UBAP1: variants seen among roughly 807,000 people sequenced by gnomAD.
UBAP1 encodes ubiquitin-associated protein 1.
Under a neutral mutation model 39.0 loss-of-function variants are expected in UBAP1, and 5 were observed. The observed-to-expected ratio is 0.13, with a 90% CI of 0.07 to 0.27. The LOEUF (loss-of-function observed/expected upper bound fraction) is 0.27. Among genes scored for constraint, UBAP1 ranks in the 10% least tolerant of loss-of-function variants. The probability of loss-of-function intolerance (pLI) is 1.00; values close to 1 mark genes in which losing one functional copy is unlikely to be tolerated. For synonymous variants in UBAP1, 211 were observed against 225.1 expected, an observed-to-expected ratio of 0.94 and a Z score of 0.56; for missense variants, 490 against 608.1, an observed-to-expected ratio of 0.81 and a Z score of 2.04.
intron 2 of UBAP1, 87 bp downstream of exon 2, chr9:34,221,035 C>T (rs1325296703): frequency 1.0e-5 from 12 of 1,200,816 alleles, no homozygotes; most frequent in Admixed American, 1.9e-5. Context: ...TACAAGTGCC[C>T]CTTTTTGTCT....
intron 1 of UBAP1, among the ~76,000 whole-genome samples, chr9:34,185,349 A>G (rs971775493): frequency 2.0e-5 from 3 of 152,118 alleles, no homozygotes; most frequent in Non-Finnish European, 2.9e-5. Context: ...GAAGTTCAAG[A>G]CCAGCCTGGA....
At chr9:34,238,362 GT>G (rs1391461866) in intron 3 of UBAP1, among the ~76,000 whole-genome samples, 2 of 152,264 alleles carry the variant, frequency 1.3e-5, no homozygotes, top group East Asian at 3.9e-4. Flanking sequence ...CATGTTTTCA[GT>G]TTTCTTGGGT....
chr9:34,213,894 C>T (rs539844748), intron 1 of UBAP1, among the ~76,000 whole-genome samples: 30 of 147,930 alleles, frequency 2.0e-4, no homozygotes, highest in Admixed American at 1.7e-3. Context: ...AGCAGAGAAT[C>T]AAATAAAAAA....
Position 34,181,969 on chromosome 9 carries a change from AT to A in UBAP1, c.-8+2740del, listed in dbSNP as rs1232897149. Among the ~76,000 whole-genome samples the A allele has an allele frequency of 2.8e-4, 40 of 143,450 alleles. 2 individuals are homozygous for A. The highest frequency in any genetic ancestry group is 3.6e-4 in the African/African-American group (14 of 38,542). 94.1% of individuals were successfully genotyped at this position (143,450 alleles called of 152,430 possible). On this transcript the variant is annotated intron_variant, in intron 1 of 6. Transcript: ENST00000297661. ...ATTGTTAGTGCATTTTTTAATTAAA[AT>A]TTTTTTTTTTGTAGAGAAGGGGTCT...
intron 1 of UBAP1, among the ~76,000 whole-genome samples, chr9:34,206,435 G>A (rs894639388): frequency 6.6e-6 from 1 of 152,046 alleles, no homozygotes; most frequent in Admixed American, 6.6e-5. Context: ...ACTTGAGCTC[G>A]GGAGGTTGAG....
rs1437190594 is a variant in UBAP1 at position 34,250,551 on chromosome 9, G to C, written c.1267-107G>C. ...ATCAAATCCTATCCAGTATCTGACG[G>C]CCTGGGTGGGGCGGAGAACGGACTT... On this transcript the variant is annotated intron_variant, in intron 5 of 6. Coordinates refer to ENST00000297661, the MANE Select transcript of UBAP1 (RefSeq NM_016525.5). The C allele has an allele frequency of 3.8e-6, 3 of 785,890 alleles. No individual in the cohort carries two copies. In the Admixed American group the frequency reaches 7.5e-5, roughly 20 times the overall value. 48.7% of individuals were successfully genotyped at this position (785,890 alleles called of 1,614,324 possible).
At chr9:34,226,121 G>GTGTGTGTGTGTGTGTGTGTGTT (rs1833058475) in intron 2 of UBAP1, among the ~76,000 whole-genome samples, 74 of 98,340 alleles carry the variant, frequency 7.5e-4, no homozygotes, top group Non-Finnish European at 1.2e-3. Context: ...GTGTGTGTGT[G>GTGTGTGTGTGTGTGTGTGTGTT]TGTGTGTGTG....
At chr9:34,224,144 G>A (rs1236757294) in intron 2 of UBAP1, 3 of 721,912 alleles carry the variant, frequency 4.2e-6, no homozygotes, top group East Asian at 3.0e-5. Flanking sequence ...GCTGATTTTG[G>A]CCTTTTTTTT....
chr9:34,215,910 T>C (rs918618202), intron 1 of UBAP1, among the ~76,000 whole-genome samples: 1 of 152,012 alleles, frequency 6.6e-6, no homozygotes, highest in Non-Finnish European at 1.5e-5. Context: ...TGCCCAAATA[T>C]AGATTTCTCA....
At chr9:34,198,540 G>C (rs561151942) in intron 1 of UBAP1, among the ~76,000 whole-genome samples, 10 of 152,338 alleles carry the variant, frequency 6.6e-5, no homozygotes, top group African/African-American at 2.4e-4. Flanking sequence ...TGTTGACTGT[G>C]CTTGTTGGAT....
In UBAP1 at chr9:34,195,759, G is replaced by A. The variant is rs1830999118; in HGVS notation, c.-8+16519G>A. 3.3e-5 allele frequency among the ~76,000 whole-genome samples: 5 copies of A among 151,314 alleles called. No homozygotes were observed. In the South Asian group the frequency reaches 8.3e-4, roughly 25 times the overall value. ...ATTACAGACATGTGCCACTATGCCCGGCTAATTTTGTATTTTTAGTAGAGA... is the reference window on the plus strand; with the variant it reads ...ATTACAGACATGTGCCACTATGCCCAGCTAATTTTGTATTTTTAGTAGAGA... On this transcript the variant is annotated intron_variant, in intron 1 of 6. Coordinates refer to ENST00000297661, the MANE Select transcript of UBAP1 (RefSeq NM_016525.5).
At chr9:34,212,412 C>CACACACAT (rs1832066662) in intron 1 of UBAP1, among the ~76,000 whole-genome samples, 1 of 144,362 alleles carries the variant, frequency 6.9e-6, no homozygotes, top group Non-Finnish European at 1.6e-5. Flanking sequence ...CACACACACA[C>CACACACAT]ACACACACAC....
At position 34,241,389 on chromosome 9, in the gene UBAP1, G is replaced by A. The variant is rs766853050; in HGVS notation, c.364G>A (p.Ala122Thr). 3 of 1,563,484 alleles carry A rather than the reference G, an allele frequency of 1.9e-6. No individual in the cohort carries two copies. The highest frequency in any genetic ancestry group is 1.7e-4 in the Middle Eastern group (1 of 5,778). The change falls in exon 4 of 7, where the codon GCC becomes ACC. Residue 122 changes from alanine (A) to threonine (T), a missense_variant. Coordinates refer to ENST00000297661, the MANE Select transcript of UBAP1 (RefSeq NM_016525.5). ...GCCACCTCCTATTAACCCCATCCTC[G>A]CCAGCTTGCAGCACAACAGCATCCT... ...TMPPPINPIL[A>T]SLQHNSILTP...
chr9:34,201,951 C>T (rs773188360), intron 1 of UBAP1, among the ~76,000 whole-genome samples: 28 of 152,114 alleles, frequency 1.8e-4, no homozygotes, highest in Admixed American at 1.6e-3. Context: ...CTGGTTTATT[C>T]TAAAGGCGAT....
intron 1 of UBAP1, among the ~76,000 whole-genome samples, chr9:34,208,971 G>C (rs988442099): frequency 6.6e-6 from 1 of 151,918 alleles, no homozygotes; most frequent in East Asian, 1.9e-4. Context: ...GTCTCACTCT[G>C]TTGCTCAGGC....
At chr9:34,192,459 G>A (rs1241720876) in intron 1 of UBAP1, among the ~76,000 whole-genome samples, 2 of 146,972 alleles carry the variant, frequency 1.4e-5, no homozygotes, top group African/African-American at 5.1e-5. Flanking sequence ...AGGTTGCAGT[G>A]AGCCGAGGTC....
chr9:34,224,190 A>G lies in UBAP1; in HGVS notation c.34+3242A>G. The G allele has an allele frequency of 2.4e-5, 13 of 546,642 alleles. No homozygotes were observed. In the South Asian group the frequency reaches 3.1e-4, roughly 13 times the overall value. 33.9% of individuals were successfully genotyped at this position (546,642 alleles called of 1,614,324 possible). Reference sequence around the variant, plus strand: ...GATTTCTTCTGAAATTTTTTAGATCATTTTTTGTTTAAAATCTCTTCTTCC... The same window carrying G: ...GATTTCTTCTGAAATTTTTTAGATCGTTTTTTGTTTAAAATCTCTTCTTCC... On this transcript the variant is annotated intron_variant, in intron 2 of 6. Transcript: ENST00000297661.
At chr9:34,203,127 A>C (rs1831494105) in intron 1 of UBAP1, among the ~76,000 whole-genome samples, 1 of 152,116 alleles carries the variant, frequency 6.6e-6, no homozygotes, top group Non-Finnish European at 1.5e-5. Context: ...TATTTTAATT[A>C]GGATTTGGGT....
Position 34,251,578 on chromosome 9 carries a change from A to C in UBAP1, c.*46A>C. ...CTGCCGCAGAACCACCATCCCTGGG[A>C]GGCCCTGCAGAGCCCACCTGTGGGG... On this transcript the variant is annotated 3_prime_UTR_variant, in exon 7 of 7. Transcript: ENST00000297661. 1 of 1,597,658 alleles carries C rather than the reference A, an allele frequency of 6.3e-7. No homozygotes were observed. The highest frequency in any genetic ancestry group is 1.1e-5 in the South Asian group (1 of 89,710).
Sources: allele counts gnomAD v4.1 joint callset (sites outside exome capture counted in the v4.1 genomes callset), GRCh38; gene constraint gnomAD v4.1.1; transcripts MANE v1.5; gene names NCBI Gene and HGNC (gene_info 2026-07-23, HGNC 2026-07-21).